Variants in CD58 observed in about 807,000 individuals in gnomAD.
CD58 encodes the protein CD58 molecule.
Under a neutral mutation model 27.6 loss-of-function variants are expected in CD58, and 14 were observed. The observed-to-expected ratio is 0.51, with a 90% CI of 0.34 to 0.79. The LOEUF (loss-of-function observed/expected upper bound fraction) is 0.79, where lower values mean the gene tolerates loss of function less well. Ranked by LOEUF, CD58 falls within the 30% of genes least tolerant of loss-of-function variation. The pLI is 0.02. For synonymous variants in CD58, 117 were observed against 103.8 expected, an observed-to-expected ratio of 1.13 and a Z score of -0.77; for missense variants, 268 against 301.7, an observed-to-expected ratio of 0.89 and a Z score of 0.83.
intron 1 of CD58, among the ~76,000 whole-genome samples, chr1:116,549,804 T>C (rs1280201377): frequency 6.6e-6 from 1 of 152,156 alleles, no homozygotes; most frequent in African/African-American, 2.4e-5. Flanking sequence ...CAAACATGTA[T>C]CACATATAAT....
chr1:116,569,471 C>T (rs573797428), intron 1 of CD58, among the ~76,000 whole-genome samples: 2 of 152,282 alleles, frequency 1.3e-5, no homozygotes, highest in African/African-American at 4.8e-5. Context: ...TATCACATGT[C>T]CACACATCAC....
intron 1 of CD58, among the ~76,000 whole-genome samples, chr1:116,562,681 G>A (rs59327776): frequency 0.017 from 2,572 of 152,274 alleles, 69 homozygotes; most frequent in African/African-American, 0.058. Flanking sequence ...AAGAGAGAGC[G>A]TGTGCAGGGG....
chr1:116,565,047 C>T (rs1164842799), intron 1 of CD58, among the ~76,000 whole-genome samples: 1 of 152,198 alleles, frequency 6.6e-6, no homozygotes, highest in Non-Finnish European at 1.5e-5. Context: ...TATCTCCCAC[C>T]CCCAGTGATT....
Position 116,523,851 on chromosome 1 carries a change from CTT to C in CD58, c.629-1870_629-1869del, listed in dbSNP as rs909361536. Reference sequence around the variant, plus strand: ...AGGAAAAGCAGCATTTGATTCTTCTCTTTCTTTATCGTTTTTCAAAATAATGA... The same window carrying C: ...AGGAAAAGCAGCATTTGATTCTTCTCTCTTTATCGTTTTTCAAAATAATGA... On this transcript the variant is annotated intron_variant, in intron 3 of 5. Transcript: ENST00000369489. This position sits in a 1 kb window ranked among gnomAD's most constrained non-coding sequence, Gnocchi z 4.4. 1.3e-5 allele frequency among the ~76,000 whole-genome samples: 2 copies of C among 152,194 alleles called. No homozygotes were observed. Among genetic ancestry groups the C allele is most frequent in the African/African-American group, 2.4e-5 (1 of 41,446 alleles).
chr1:116,570,778 C>G lies in CD58; in HGVS notation c.70+125G>C. 1.5e-6 allele frequency: 1 copy of G among 669,318 alleles called. No homozygotes were observed. Among genetic ancestry groups the G allele is most frequent in the Non-Finnish European group, 2.5e-6 (1 of 407,214 alleles). The allele number at this position is 669,318 out of a possible 1,614,324, so 41.5% of individuals were successfully genotyped here. On this transcript the variant is annotated intron_variant, in intron 1 of 5. Transcript: ENST00000369489. This position sits in a 1 kb window ranked among gnomAD's most constrained non-coding sequence, Gnocchi z 6.4. ...CTCCCACGGCTGAGTTGTTCCCGGC[C>G]CACAGCGACCCGTCCCCACCCGTCT...
At chr1:116,540,239 C>A (rs1325966067) in intron 2 of CD58, among the ~76,000 whole-genome samples, 1 of 151,938 alleles carries the variant, frequency 6.6e-6, no homozygotes, top group Non-Finnish European at 1.5e-5. Context: ...TCCCCCTGTC[C>A]AAAATATGCT....
intron 1 of CD58, among the ~76,000 whole-genome samples, chr1:116,561,596 T>A (rs959879140): frequency 6.6e-6 from 1 of 152,238 alleles, no homozygotes; most frequent in Non-Finnish European, 1.5e-5. Context: ...CTGACCTATA[T>A]TTCCCATGTT....
intron 3 of CD58, among the ~76,000 whole-genome samples, chr1:116,535,161 T>C (rs1032066265): frequency 6.6e-6 from 1 of 152,226 alleles, no homozygotes; most frequent in Non-Finnish European, 1.5e-5. Context: ...CAGATTGTCA[T>C]GATATTAACT....
chr1:116,562,582 T>C (rs898850557), intron 1 of CD58, among the ~76,000 whole-genome samples: 2 of 152,218 alleles, frequency 1.3e-5, no homozygotes, highest in Admixed American at 1.3e-4. Flanking sequence ...AGAGGCTCAA[T>C]GGACTCACAG....
intron 1 of CD58, among the ~76,000 whole-genome samples, chr1:116,561,593 A>G (rs2300747): frequency 0.2 from 30,717 of 152,162 alleles, 3,916 homozygotes; most frequent in East Asian, 0.61. Context: ...GTGCTGACCT[A>G]TATTTCCCAT....
chr1:116,564,821 T>C (rs904083414), intron 1 of CD58, among the ~76,000 whole-genome samples: 61 of 152,210 alleles, frequency 4.0e-4, no homozygotes, highest in African/African-American at 1.4e-3. Flanking sequence ...TTTCAGCATG[T>C]TGCTTAGGAT....
rs564468235 is a variant in CD58, at chr1:116,541,679, C to T, written c.364+2632G>A. Among the ~76,000 whole-genome samples, 29 of 152,264 alleles carry T rather than the reference C, an allele frequency of 1.9e-4. No individual in the cohort carries two copies. The highest frequency in any genetic ancestry group is 3.4e-4 in the Non-Finnish European group (23 of 68,014). ...CAGGTTTTAAGGGGAAGATAATGAG[C>T]TTACTTTTGGACTTGTGATATTTGA... On this transcript the variant is annotated intron_variant, in intron 2 of 5. Transcript: ENST00000369489. This position sits in a 1 kb window ranked among gnomAD's most constrained non-coding sequence, Gnocchi z 5.3.
At chr1:116,518,696 AC>A in intron 5 of CD58, 1 of 986,676 alleles carries the variant, frequency 1.0e-6, no homozygotes, top group Non-Finnish European at 1.2e-6. Context: ...CTCTTGGAGC[AC>A]CCTACGGCGG....
At chr1:116,545,902 T>A (rs1658152890) in intron 1 of CD58, among the ~76,000 whole-genome samples, 1 of 152,188 alleles carries the variant, frequency 6.6e-6, no homozygotes, top group African/African-American at 2.4e-5. Context: ...AGCAGCTGGG[T>A]CCTGTGGTTC....
At chr1:116,514,999 A>C (rs1045836986) in intron 5 of CD58, among the ~76,000 whole-genome samples, 177 bp from the exon 6 acceptor site, 1 of 152,220 alleles carries the variant, frequency 6.6e-6, no homozygotes, top group Non-Finnish European at 1.5e-5. Context: ...CTCTTGGGAT[A>C]GTAGTCTGAG....
chr1:116,519,749 TTCAC>T lies in CD58; in HGVS notation c.707-486_707-483del, dbSNP rs143812991. Among the ~76,000 whole-genome samples the T allele has an allele frequency of 0.013, 1,950 of 152,360 alleles. 16 individuals are homozygous for T. The highest frequency in any genetic ancestry group is 0.019 in the Non-Finnish European group (1,321 of 68,030). On this transcript the variant is annotated intron_variant, in intron 4 of 5. Transcript: ENST00000369489. The surrounding 1 kb of genome is among the most constrained non-coding windows in gnomAD (Gnocchi z 4.7). ...TTTTTAATGAGATATTTTATATTCTTTCACACACGGTCTTAGAAACATATTATTT... is the reference window on the plus strand; with the variant it reads ...TTTTTAATGAGATATTTTATATTCTTACACGGTCTTAGAAACATATTATTT...
At chr1:116,567,178 G>C (rs113866882) in intron 1 of CD58, among the ~76,000 whole-genome samples, 1 of 80,134 alleles carries the variant, frequency 1.2e-5, no homozygotes, top group Non-Finnish European at 3.2e-5. Context: ...AAGAAGGAAA[G>C]AAGGGAAGGG....
In CD58 at chr1:116,531,604, G is replaced by A. The variant is rs1029127570; in HGVS notation, c.628+4361C>T. On this transcript the variant is annotated intron_variant, in intron 3 of 5. Transcript: ENST00000369489. The surrounding 1 kb of genome is among the most constrained non-coding windows in gnomAD (Gnocchi z 4.5). Reference sequence around the variant, plus strand: ...CTCCAAGCTTAACTATTTTAACTTTGCAGCTCGTTTTAAAAACTTCTTGCA... The same window carrying A: ...CTCCAAGCTTAACTATTTTAACTTTACAGCTCGTTTTAAAAACTTCTTGCA... Among the ~76,000 whole-genome samples the A allele has an allele frequency of 6.6e-6, 1 of 152,144 alleles. No homozygotes were observed. The highest frequency in any genetic ancestry group is 2.1e-4 in the South Asian group (1 of 4,826).
chr1:116,514,839 T>A lies in CD58; in HGVS notation c.744-17A>T. 6.5e-7 allele frequency: 1 copy of A among 1,542,754 alleles called. No homozygotes were observed. The highest frequency in any genetic ancestry group is 8.9e-7 in the Non-Finnish European group (1 of 1,119,252). ...CAATTGGAGCTACAAAAAAAAATCATATTATTAACTTGTAAAATGCAGTAA... is the reference window on the plus strand; with the variant it reads ...CAATTGGAGCTACAAAAAAAAATCAAATTATTAACTTGTAAAATGCAGTAA... On this transcript the variant is annotated splice_polypyrimidine_tract_variant and intron_variant, in intron 5 of 5. Transcript: ENST00000369489.
Sources: allele counts gnomAD v4.1 joint callset (sites outside exome capture counted in the v4.1 genomes callset), GRCh38; gene constraint gnomAD v4.1.1; non-coding constraint Gnocchi (gnomAD v3.1); transcripts MANE v1.5; gene names NCBI Gene and HGNC (gene_info 2026-07-23, HGNC 2026-07-21).